The following LARP4B variants were observed in gnomAD, a reference collection of about 807,000 sequenced individuals.
LARP4B encodes the protein La ribonucleoprotein 4B, also known as la-related protein 4B.
In LARP4B, 12 loss-of-function variants were observed where a neutral mutation model predicts 89.8. That is an observed-to-expected ratio of 0.13 (90% CI 0.09 to 0.22). The LOEUF (loss-of-function observed/expected upper bound fraction) is 0.22. LARP4B is among the 10% of genes least tolerant of loss of function. LARP4B has a pLI of 1.00. For missense variants in LARP4B, 757 were observed against 947.7 expected, an observed-to-expected ratio of 0.80 and a Z score of 2.64; for synonymous variants, 367 against 363.3, an observed-to-expected ratio of 1.01 and a Z score of -0.12.
chr10:941,508 G>C, the LARP4B span, among the ~76,000 whole-genome samples: 1 of 151,932 alleles, frequency 6.6e-6, no homozygotes, highest in African/African-American at 2.4e-5. Context: ...GAGATGGGCG[G>C]GGGGTGTCTC....
the LARP4B span, among the ~76,000 whole-genome samples, chr10:960,246 G>A: frequency 6.6e-6 from 1 of 152,128 alleles, no homozygotes; most frequent in African/African-American, 2.4e-5. Context: ...GAGGGGGAGG[G>A]ATGAGAGGGG....
intron 3 of LARP4B, among the ~76,000 whole-genome samples, chr10:866,895 G>A (rs1211553784): frequency 4.6e-5 from 7 of 152,186 alleles, no homozygotes; most frequent in Admixed American, 1.3e-4. Context: ...CGTGGCCCTC[G>A]TGTTCCTCCT....
chr10:921,486 C>T (rs1215882676), intron 1 of LARP4B, among the ~76,000 whole-genome samples: 1 of 152,130 alleles, frequency 6.6e-6, no homozygotes, highest in Non-Finnish European at 1.5e-5. Context: ...TTCTTTCTTT[C>T]CTGTAAGGTT....
chr10:965,021 T>C, the LARP4B span, among the ~76,000 whole-genome samples: 1 of 152,210 alleles, frequency 6.6e-6, no homozygotes, highest in African/African-American at 2.4e-5. Context: ...AGGGCTGCCT[T>C]GCACGCTGAG....
Position 812,623 on chromosome 10 carries a change from T to A in LARP4B, c.*303A>T. 1 of 239,244 alleles carries A rather than the reference T, an allele frequency of 4.2e-6. No individual in the cohort carries two copies. Among genetic ancestry groups the A allele is most frequent in the Non-Finnish European group, 7.9e-6 (1 of 126,060 alleles). 14.8% of individuals were successfully genotyped at this position (239,244 alleles called of 1,614,324 possible). A position where few individuals can be genotyped will look rare whatever the true frequency, so the allele number is the denominator to read the frequency against. ...CTTGCATTCAGAGCCACATGGAGGC[T>A]TAATAAAAAATACCAATTTGTTAGG... On this transcript the variant is annotated 3_prime_UTR_variant, in exon 18 of 18. Coordinates refer to ENST00000316157, the MANE Select transcript of LARP4B (RefSeq NM_015155.3).
At chr10:960,137 G>A in the LARP4B span, among the ~76,000 whole-genome samples, 1 of 152,194 alleles carries the variant, frequency 6.6e-6, no homozygotes, top group African/African-American at 2.4e-5. Flanking sequence ...ATCTGAAAAG[G>A]CCACATTCTC....
chr10:854,307 G>T (rs1197389304), intron 5 of LARP4B, among the ~76,000 whole-genome samples: 5 of 152,100 alleles, frequency 3.3e-5, no homozygotes, highest in African/African-American at 1.2e-4. Flanking sequence ...CTTCCCTCAC[G>T]AATCACAAAT....
In LARP4B at chr10:874,538, T is replaced by C. The variant is rs568987809; in HGVS notation, c.141+9909A>G. On this transcript the variant is annotated intron_variant, in intron 3 of 17. Coordinates refer to ENST00000316157, the MANE Select transcript of LARP4B (RefSeq NM_015155.3). ...TGTACTATGTGGTCCAGTCCCTAAC[T>C]GTGGACTCACATAATGGGTCTTGTC... is the stretch of plus-strand genomic sequence containing the variant. 2.0e-5 allele frequency among the ~76,000 whole-genome samples: 3 copies of C among 152,348 alleles called. No homozygotes were observed. The South Asian group carries it at 6.2e-4, about 32-fold the overall frequency.
chr10:951,633 C>T, the LARP4B span, among the ~76,000 whole-genome samples: 820 of 152,260 alleles, frequency 5.4e-3, 3 homozygotes, highest in Middle Eastern at 0.014. Context: ...CAAGTGGTGA[C>T]TTCAGGGACA....
At chr10:864,822 G>A (rs1409763612) in intron 3 of LARP4B, among the ~76,000 whole-genome samples, 6 of 152,076 alleles carry the variant, frequency 3.9e-5, no homozygotes, top group Admixed American at 1.3e-4. Context: ...GCGTGGTGGC[G>A]CATGCCTGTA....
chr10:914,823 C>A (rs1165851441), intron 1 of LARP4B, among the ~76,000 whole-genome samples: 4 of 150,094 alleles, frequency 2.7e-5, no homozygotes, highest in African/African-American at 9.9e-5. Flanking sequence ...ACCGCCCACC[C>A]CCCAGCAAAG....
the LARP4B span, chr10:972,762 T>C: frequency 4.4e-6 from 2 of 456,750 alleles, no homozygotes; most frequent in South Asian, 3.1e-5. Context: ...CAGAGAAAAG[T>C]AGTTAGAAAA....
At chr10:845,144 T>C in intron 5 of LARP4B, 89 bp from the exon 6 acceptor site, 1 of 872,532 alleles carries the variant, frequency 1.1e-6, no homozygotes, top group Non-Finnish European at 1.8e-6. Flanking sequence ...GCTTTCAACT[T>C]ACGTTCTGAC....
At chr10:883,079 A>C (rs1835734337) in intron 3 of LARP4B, among the ~76,000 whole-genome samples, 1 of 152,262 alleles carries the variant, frequency 6.6e-6, no homozygotes, top group Non-Finnish European at 1.5e-5. Flanking sequence ...TGTTGGACTG[A>C]AAGTCAACCA....
intron 1 of LARP4B, among the ~76,000 whole-genome samples, chr10:905,599 C>T (rs148889539): frequency 5.9e-5 from 9 of 152,180 alleles, no homozygotes; most frequent in African/African-American, 2.2e-4. Flanking sequence ...ATGTTCAATC[C>T]TTCCCTGTCA....
chr10:875,690 A>G (rs1435677780), intron 3 of LARP4B, among the ~76,000 whole-genome samples: 1 of 152,208 alleles, frequency 6.6e-6, no homozygotes, highest in African/African-American at 2.4e-5. Flanking sequence ...GAGGAAATGC[A>G]GTCACTCCCA....
At chr10:853,131 A>T (rs80282103) in intron 5 of LARP4B, among the ~76,000 whole-genome samples, 17,566 of 152,204 alleles carry the variant, frequency 0.12, 1,284 homozygotes, top group African/African-American at 0.2. Flanking sequence ...TGGAATTTAA[A>T]AAGTAACTAT....
chr10:965,081 G>A, the LARP4B span, among the ~76,000 whole-genome samples: 2 of 152,316 alleles, frequency 1.3e-5, no homozygotes, highest in African/African-American at 2.4e-5. Flanking sequence ...GGGAGTGGAC[G>A]GGGGACCTGC....
At chr10:937,257 G>C in the LARP4B span, among the ~76,000 whole-genome samples, 1 of 152,046 alleles carries the variant, frequency 6.6e-6, no homozygotes, top group Non-Finnish European at 1.5e-5. Flanking sequence ...TGCTCAGGCT[G>C]GTCTCGAACT....
Sources: allele counts gnomAD v4.1 joint callset (sites outside exome capture counted in the v4.1 genomes callset), GRCh38; gene constraint gnomAD v4.1.1; transcripts MANE v1.5; gene names NCBI Gene and HGNC (gene_info 2026-07-23, HGNC 2026-07-21).